The following BNIP2 variants were observed in gnomAD, a reference collection of about 807,000 sequenced individuals.
BNIP2 encodes the protein BCL2/adenovirus E1B 19 kDa protein-interacting protein 2.
A neutral mutation model predicts 43.4 loss-of-function variants in BNIP2; 36 were observed. That is an observed-to-expected ratio of 0.83 (90% CI 0.64 to 1.10). The LOEUF (loss-of-function observed/expected upper bound fraction) is 1.10, where lower values mean the gene tolerates loss of function less well. Among genes scored for constraint, BNIP2 ranks in the 50% least tolerant of loss-of-function variants. The pLI is 0.00. For missense variants in BNIP2, 417 were observed against 374.1 expected, an observed-to-expected ratio of 1.11 and a Z score of -0.95; for synonymous variants, 146 against 121.0, an observed-to-expected ratio of 1.21 and a Z score of -1.35.
chr15:59,678,633 G>A, intron 4 of BNIP2: 1 of 1,156,246 alleles, frequency 8.6e-7, no homozygotes, highest in Non-Finnish European at 1.1e-6. Flanking sequence ...ATTTAAATTA[G>A]CATTAGCCAA....
intron 5 of BNIP2, among the ~76,000 whole-genome samples, chr15:59,673,059 CACAAT>C (rs1402392542): frequency 6.6e-6 from 1 of 151,528 alleles, no homozygotes; most frequent in Admixed American, 6.6e-5. Flanking sequence ...ACAATACAGA[CACAAT>C]ACAATAACTG....
At chr15:59,672,881 A>G in intron 5 of BNIP2, 142 bp from the exon 6 acceptor site, 1 of 514,304 alleles carries the variant, frequency 1.9e-6, no homozygotes, top group Non-Finnish European at 3.4e-6. Flanking sequence ...TGTAAATCTT[A>G]TATGGTCTTA....
rs1892218236 is a variant in BNIP2 at position 59,660,813 on chromosome 15, C to T, written c.*3256G>A. 7.1e-6 allele frequency: 1 copy of T among 141,788 alleles called. No individual in the cohort carries two copies. Among genetic ancestry groups the T allele is most frequent in the South Asian group, 2.3e-4 (1 of 4,386 alleles). 8.8% of individuals were successfully genotyped at this position (141,788 alleles called of 1,614,324 possible). ...AACAAAAAAACCAACCAAAAACCCT[C>T]AATCCTAAACTTTTAAGTGCTGTAA... On this transcript the variant is annotated 3_prime_UTR_variant, in exon 10 of 10. Coordinates refer to ENST00000607373, the MANE Select transcript of BNIP2 (RefSeq NM_004330.4).
chr15:59,671,636 T>C (rs1892933780), intron 6 of BNIP2, among the ~76,000 whole-genome samples: 1 of 151,306 alleles, frequency 6.6e-6, no homozygotes, highest in Non-Finnish European at 1.5e-5. Context: ...TACCCCTGTG[T>C]ATGTCTGAAA....
intron 5 of BNIP2, among the ~76,000 whole-genome samples, chr15:59,674,952 T>C (rs1049950577): frequency 2.0e-5 from 3 of 152,208 alleles, no homozygotes; most frequent in Admixed American, 2.0e-4. Context: ...ACTAGTTCTC[T>C]ATTAAAAAAT....
At chr15:59,688,267 C>T (rs915231700) in intron 1 of BNIP2, among the ~76,000 whole-genome samples, 1 of 152,122 alleles carries the variant, frequency 6.6e-6, no homozygotes, top group Non-Finnish European at 1.5e-5. Flanking sequence ...GAGGAAACAT[C>T]CATTTACAAA....
chr15:59,675,438 T>C (rs1451256224), intron 5 of BNIP2, among the ~76,000 whole-genome samples: 2 of 150,348 alleles, frequency 1.3e-5, no homozygotes, highest in African/African-American at 4.9e-5. Context: ...GTGAAACCCT[T>C]TCTCTACTAA....
intron 6 of BNIP2, among the ~76,000 whole-genome samples, chr15:59,671,790 C>G (rs1280555231): frequency 6.6e-6 from 1 of 152,190 alleles, no homozygotes; most frequent in African/African-American, 2.4e-5. Flanking sequence ...AAAATCACTT[C>G]TTTACACTTA....
chr15:59,670,224 G>C (rs1892813591), intron 7 of BNIP2, among the ~76,000 whole-genome samples: 1 of 152,188 alleles, frequency 6.6e-6, no homozygotes, highest in South Asian at 2.1e-4. Context: ...TAGTCCAGGA[G>C]TTCAAGAACC....
At chr15:59,672,392 G>A in intron 6 of BNIP2, 1 of 299,674 alleles carries the variant, frequency 3.3e-6, no homozygotes, top group Non-Finnish European at 6.2e-6. Context: ...TTCCACCTCA[G>A]CCTCCTGAGT....
At chr15:59,668,101 AC>A (rs753052192) in intron 9 of BNIP2, 1 of 1,297,986 alleles carries the variant, frequency 7.7e-7, no homozygotes, top group South Asian at 1.2e-5. Context: ...GTGTGCATAT[AC>A]CTTTTTTGTT....
chr15:59,685,209 G>T (rs889985391), intron 1 of BNIP2, among the ~76,000 whole-genome samples: 3 of 152,128 alleles, frequency 2.0e-5, no homozygotes, highest in Admixed American at 2.0e-4. Flanking sequence ...TGTGAAAACA[G>T]CTCCTTGAGG....
chr15:59,674,075 G>A (rs1181983193), intron 5 of BNIP2, among the ~76,000 whole-genome samples: 1 of 121,322 alleles, frequency 8.2e-6, no homozygotes. Flanking sequence ...GGGCAACAGA[G>A]CAAGACTTGG....
At chr15:59,672,770 G>T in intron 5 of BNIP2, 31 bp from the exon 6 acceptor site, 2 of 1,555,256 alleles carry the variant, frequency 1.3e-6, no homozygotes, top group Non-Finnish European at 1.8e-6. Flanking sequence ...AGTATCACCA[G>T]CACGATTTTA....
At position 59,682,534 on chromosome 15, in the gene BNIP2, T is replaced by C. The variant is rs778049574; in HGVS notation, c.-57-20A>G. 1.3e-6 allele frequency: 2 copies of C among 1,568,886 alleles called. No homozygotes were observed. The highest frequency in any genetic ancestry group is 2.3e-5 in the South Asian group (2 of 85,996). On this transcript the variant is annotated intron_variant, in intron 1 of 9. Transcript: ENST00000607373. ...AATGTCCTATGAAGAGAGAAAAATG[T>C]ATAACTTAATTTCCACTTTACTTTT...
chr15:59,665,098 T>C (rs1052806224), intron 9 of BNIP2, among the ~76,000 whole-genome samples: 2 of 151,656 alleles, frequency 1.3e-5, no homozygotes, highest in East Asian at 2.0e-4. Flanking sequence ...ACCCCATCTC[T>C]ACTAAAAATA....
chr15:59,679,070 A>G (rs1893488477), intron 4 of BNIP2, among the ~76,000 whole-genome samples: 1 of 152,226 alleles, frequency 6.6e-6, no homozygotes, highest in Non-Finnish European at 1.5e-5. Flanking sequence ...AATTATAACA[A>G]CTATATATAA....
chr15:59,659,199 C>T lies in BNIP2; in HGVS notation c.*4870G>A, dbSNP rs1398048357. ...TTAATGTTGCAAAAAATATGATGTG[C>T]AACAAATCAAGACACAAGTTATATT... On this transcript the variant is annotated 3_prime_UTR_variant, in exon 10 of 10. Coordinates refer to ENST00000607373, the MANE Select transcript of BNIP2 (RefSeq NM_004330.4). 1 of 152,128 alleles carries T rather than the reference C, an allele frequency of 6.6e-6. No individual in the cohort carries two copies. The highest frequency in any genetic ancestry group is 2.4e-5 in the African/African-American group (1 of 41,418). 9.4% of individuals were successfully genotyped at this position (152,128 alleles called of 1,614,324 possible).
chr15:59,688,894 G>C (rs1894199508), intron 1 of BNIP2: 13 of 1,473,992 alleles, frequency 8.8e-6, no homozygotes, highest in African/African-American at 1.4e-5. Flanking sequence ...GAAAAGCGAC[G>C]GGGTGGGGGG....
Sources: allele counts gnomAD v4.1 joint callset (sites outside exome capture counted in the v4.1 genomes callset), GRCh38; gene constraint gnomAD v4.1.1; transcripts MANE v1.5; gene names NCBI Gene and HGNC (gene_info 2026-07-23, HGNC 2026-07-21).